The following PRKAR1B variants were observed in gnomAD, a reference collection of about 807,000 sequenced individuals.
The protein encoded by PRKAR1B is protein kinase cAMP-dependent type I regulatory subunit beta.
PRKAR1B carries 22 observed loss-of-function variants against 46.5 expected under a neutral mutation model. That is an observed-to-expected ratio of 0.47 (90% CI 0.34 to 0.68). PRKAR1B has a LOEUF of 0.68. Among genes scored for constraint, PRKAR1B ranks in the 30% least tolerant of loss-of-function variants. The pLI is 0.01. For missense variants in PRKAR1B, 445 were observed against 535.6 expected (o/e 0.83, Z 1.67); for synonymous variants, 259 against 217.7 (o/e 1.19, Z -1.67).
intron 9 of PRKAR1B, among the ~76,000 whole-genome samples, chr7:577,832 C>T (rs1479724625): frequency 1.3e-5 from 2 of 152,216 alleles, no homozygotes; most frequent in Non-Finnish European, 2.9e-5. Context: ...GAATGAACAG[C>T]TTTACTGAGG....
chr7:570,036 A>G (rs2128434905), intron 9 of PRKAR1B, among the ~76,000 whole-genome samples: 1 of 152,358 alleles, frequency 6.6e-6, no homozygotes. Flanking sequence ...GCCAGGCCAA[A>G]TGGGCCCCCT....
intron 1 of PRKAR1B, among the ~76,000 whole-genome samples, chr7:720,097 C>T (rs1781021287): frequency 7.4e-6 from 1 of 134,268 alleles, no homozygotes; most frequent in South Asian, 2.4e-4. Context: ...ACTCTTGTTG[C>T]CCAGGCTGGA....
chr7:559,783 T>C (rs1778674436), intron 9 of PRKAR1B, among the ~76,000 whole-genome samples: 2 of 152,176 alleles, frequency 1.3e-5, no homozygotes, highest in South Asian at 4.1e-4. Flanking sequence ...TTTACTTAAA[T>C]AAATATTTTA....
intron 2 of PRKAR1B, among the ~76,000 whole-genome samples, chr7:700,235 C>A (rs1215653851): frequency 6.6e-6 from 1 of 152,120 alleles, no homozygotes; most frequent in Non-Finnish European, 1.5e-5. Flanking sequence ...CCCCAAGCGA[C>A]CCACACAAGG....
chr7:684,875 G>GACACACGCAC (rs1554303009), intron 2 of PRKAR1B, among the ~76,000 whole-genome samples: 160 of 145,510 alleles, frequency 1.1e-3, no homozygotes, highest in Non-Finnish European at 1.9e-3. Flanking sequence ...ACTTCACACA[G>GACACACGCAC]ACACACACAC....
chr7:713,856 C>G (rs1040082107), intron 1 of PRKAR1B, among the ~76,000 whole-genome samples: 2 of 152,246 alleles, frequency 1.3e-5, no homozygotes, highest in Admixed American at 6.5e-5. Flanking sequence ...GGGGGTCAAA[C>G]ACGAAGGTCC....
intron 2 of PRKAR1B, among the ~76,000 whole-genome samples, chr7:705,567 A>C (rs1294359998): frequency 6.6e-6 from 1 of 152,196 alleles, no homozygotes; most frequent in African/African-American, 2.4e-5. Flanking sequence ...ACCTACTTCC[A>C]CATTAAAAAC....
intron 8 of PRKAR1B, among the ~76,000 whole-genome samples, chr7:581,333 C>G (rs1436912785): frequency 2.0e-5 from 3 of 147,660 alleles, no homozygotes; most frequent in Non-Finnish European, 4.5e-5. Context: ...AAAGTCTGTA[C>G]CAGACAGAAG....
intron 3 of PRKAR1B, among the ~76,000 whole-genome samples, chr7:677,628 T>C (rs1294571449): frequency 6.6e-6 from 1 of 152,132 alleles, no homozygotes; most frequent in Non-Finnish European, 1.5e-5. Flanking sequence ...GGTCTCACTA[T>C]GTTGCCCAGG....
chr7:569,649 C>T (rs963810383), intron 9 of PRKAR1B, among the ~76,000 whole-genome samples: 6 of 152,302 alleles, frequency 3.9e-5, no homozygotes, highest in Admixed American at 1.3e-4. Context: ...GTGTCCCTCT[C>T]GGTCAGCTGT....
Position 576,093 on chromosome 7 carries a change from G to A in PRKAR1B, c.891+3163C>T, listed in dbSNP as rs754347533. 4.7e-5 allele frequency among the ~76,000 whole-genome samples: 7 copies of A among 149,452 alleles called. No individual in the cohort carries two copies. In the East Asian group the frequency reaches 8.0e-4, roughly 17 times the overall value. ...TCCTCTCCTCTGCACACAGGTGGGC[G>A]TGCACGCTGGCATAGTCTCCTCTGC... On this transcript the variant is annotated intron_variant, in intron 9 of 10. Coordinates refer to ENST00000537384, the MANE Select transcript of PRKAR1B (RefSeq NM_001164760.2).
intron 6 of PRKAR1B, among the ~76,000 whole-genome samples, chr7:598,430 A>T (rs1465312189): frequency 3.9e-5 from 2 of 51,908 alleles, no homozygotes; most frequent in African/African-American, 1.4e-4. Context: ...AAACACCATC[A>T]CCCTCCAGCA....
At chr7:632,440 G>A (rs961972042) in intron 4 of PRKAR1B, among the ~76,000 whole-genome samples, 6 of 152,186 alleles carry the variant, frequency 3.9e-5, no homozygotes, top group African/African-American at 7.2e-5. Context: ...CACCGGGGGG[G>A]TCTTCCCACT....
intron 7 of PRKAR1B, among the ~76,000 whole-genome samples, chr7:592,089 G>A (rs1409649428): frequency 2.6e-5 from 4 of 152,190 alleles, no homozygotes; most frequent in African/African-American, 7.2e-5. Context: ...CCTCCGTGAG[G>A]TGGACTTGCC....
chr7:703,673 T>C (rs1226111682), intron 2 of PRKAR1B, among the ~76,000 whole-genome samples: 1 of 133,664 alleles, frequency 7.5e-6, no homozygotes, highest in African/African-American at 2.8e-5. Context: ...AAAAAAAAAA[T>C]CAGCAGGAAT....
rs987864479 is a variant in PRKAR1B, at chr7:593,956, C to T, written c.708+2190G>A. 2.0e-5 allele frequency among the ~76,000 whole-genome samples: 3 copies of T among 152,176 alleles called. No homozygotes were observed. The South Asian group carries it at 6.2e-4, about 31-fold the overall frequency. On this transcript the variant is annotated intron_variant, in intron 7 of 10. Transcript: ENST00000537384. The surrounding 1 kb of genome is among the most constrained non-coding windows in gnomAD (Gnocchi z 6.1). ...CACAAAACACAAGAGCCGGCATCGC[C>T]GTGGGGCCGGGACAGGCCAGCGCCA...
At chr7:664,731 G>A (rs1484305110) in intron 4 of PRKAR1B, among the ~76,000 whole-genome samples, 7 of 151,528 alleles carry the variant, frequency 4.6e-5, no homozygotes, top group African/African-American at 1.7e-4. Flanking sequence ...GCAACACAGC[G>A]AGACTCTGTC....
At position 655,661 on chromosome 7, in the gene PRKAR1B, G is replaced by A. The variant is rs1307705405; in HGVS notation, c.440+21568C>T. 4.6e-5 allele frequency among the ~76,000 whole-genome samples: 7 copies of A among 152,290 alleles called. No homozygotes were observed. In the South Asian group the frequency reaches 6.2e-4, roughly 14 times the overall value. On this transcript the variant is annotated intron_variant, in intron 4 of 10. Coordinates refer to ENST00000537384, the MANE Select transcript of PRKAR1B (RefSeq NM_001164760.2). ...GTATGGTAGGGGTGGTCTGTGTTGC[G>A]CATCTTGTATCTGCAGCCCCTCGGG... is the stretch of plus-strand genomic sequence containing the variant.
At chr7:574,251 C>A (rs1421749020) in intron 9 of PRKAR1B, among the ~76,000 whole-genome samples, 1 of 152,242 alleles carries the variant, frequency 6.6e-6, no homozygotes, top group East Asian at 1.9e-4. Context: ...CCGAGGCTGC[C>A]AACTCAGAAG....
Sources: gnomAD v4.1 joint callset for allele counts (sites outside exome capture counted in the v4.1 genomes callset) on GRCh38, gnomAD v4.1.1 for gene constraint, Gnocchi (gnomAD v3.1) non-coding constraint, MANE v1.5 for transcripts, NCBI Gene and HGNC (gene_info 2026-07-23, HGNC 2026-07-21) for gene names.